The following C3 variants were observed in gnomAD, a reference collection of about 807,000 sequenced individuals.
C3 encodes complement C3.
Under a neutral mutation model 207.9 loss-of-function variants are expected in C3, and 97 were observed. The observed-to-expected ratio is 0.47, with a 90% confidence interval of 0.40 to 0.55. The LOEUF (loss-of-function observed/expected upper bound fraction) is 0.55, where lower values mean the gene tolerates loss of function less well. Ranked by LOEUF, C3 falls within the 20% of genes least tolerant of loss-of-function variation. The probability of loss-of-function intolerance (pLI) is 0.00; values close to 1 mark genes in which losing one functional copy is unlikely to be tolerated. For synonymous variants in C3, 848 were observed against 857.6 expected, an observed-to-expected ratio of 0.99 and a Z score of 0.20; for missense variants, 1,684 against 2,171.7, an observed-to-expected ratio of 0.78 and a Z score of 4.46.
chr19:6,686,246 C>T lies in C3; in HGVS notation c.3688G>A (p.Val1230Met), dbSNP rs147113695. The T allele has an allele frequency of 3.5e-5, 56 of 1,614,040 alleles. No homozygotes were observed. The highest frequency in any genetic ancestry group is 1.6e-4 in the Middle Eastern group (1 of 6,062). ...WEDPGKQLYN[V>M]EATSYALLAL... ...AAGAGGGCATAGGATGTGGCCTCCA[C>T]GTTGTAGAGCTGCTTACCAGGGTCC... Residue 1230 changes from valine to methionine, a missense_variant, in exon 29 of 41, where the codon GTG becomes ATG. Around this residue, in one of 3 missense-constraint regions of C3, gnomAD observed 1,280 missense variants for 1,739.1 expected, o/e 0.74. Transcript: ENST00000245907.
rs779812568 is a variant in C3, at chr19:6,679,195, T to A, written c.4560A>T (p.Ile1520=). 4.3e-6 allele frequency: 7 copies of A among 1,614,012 alleles called. No individual in the cohort carries two copies. The Admixed American group carries it at 1.2e-4, about 27-fold the overall frequency. The change falls in exon 38 of 41, where the codon ATA becomes ATT. Residue 1520 remains isoleucine, a synonymous_variant. Coordinates refer to ENST00000245907, the MANE Select transcript of C3 (RefSeq NM_000064.4). ...LCRCAEENCF[I]QKSDDKVTLE... ...GGGTGACCTTGTCATCCGACTTTTGTATGAAGCAATTCTCTGCAGGGTGGG... is the reference window on the plus strand; with the variant it reads ...GGGTGACCTTGTCATCCGACTTTTGAATGAAGCAATTCTCTGCAGGGTGGG...
chr19:6,681,867 G>GGAAAA (rs1423270609), intron 35 of C3, 74 bp downstream of exon 35: 11 of 1,111,204 alleles, frequency 9.9e-6, no homozygotes, highest in Non-Finnish European at 1.5e-5. Flanking sequence ...AAAGCTGAAA[G>GGAAAA]GAAAAGAAAG....
intron 36 of C3, among the ~76,000 whole-genome samples, chr19:6,679,898 C>T (rs551430066): frequency 1.3e-5 from 2 of 152,212 alleles, no homozygotes; most frequent in African/African-American, 2.4e-5. Context: ...ATCCTTGGGA[C>T]TCTCAGACCC....
chr19:6,697,471 G>T lies in C3; in HGVS notation c.2669C>A (p.Pro890His), dbSNP rs753876258. ...RRHQQTVTIPPKSSLSVPYVI... is the reference protein window; with the variant it reads ...RRHQQTVTIPHKSSLSVPYVI... ...ATATGGAACGGACAACGAGGACTTG[G>T]GGGGGATGGTTACGGTCTGCTGGTG... Residue 890 changes from proline (P) to histidine (H), a missense_variant, in exon 21 of 41, where the codon CCC becomes CAC. Around this residue, in one of 3 missense-constraint regions of C3, gnomAD observed 1,280 missense variants for 1,739.1 expected, o/e 0.74. Coordinates refer to ENST00000245907, the MANE Select transcript of C3 (RefSeq NM_000064.4). 1.3e-5 allele frequency: 21 copies of T among 1,613,828 alleles called. No individual in the cohort carries two copies. Among genetic ancestry groups the T allele is most frequent in the Non-Finnish European group, 1.7e-5 (20 of 1,179,988 alleles).
intron 27 of C3, among the ~76,000 whole-genome samples, chr19:6,687,386 C>G (rs1315106916): frequency 6.6e-6 from 1 of 152,164 alleles, no homozygotes; most frequent in Non-Finnish European, 1.5e-5. Flanking sequence ...TTATCTTCTT[C>G]ATCATCATAG....
rs994435679 is a variant in C3, at chr19:6,717,995, C to T, written c.504+99G>A. ...TCTCTTTGCCTCTGTGTCTCTGCCACTGCACCCCTTCCGGTGTGTCTTTCT... is the reference window on the plus strand; with the variant it reads ...TCTCTTTGCCTCTGTGTCTCTGCCATTGCACCCCTTCCGGTGTGTCTTTCT... On this transcript the variant is annotated intron_variant, in intron 4 of 40. Coordinates refer to ENST00000245907, the MANE Select transcript of C3 (RefSeq NM_000064.4). 4.2e-6 allele frequency: 5 copies of T among 1,183,306 alleles called. No homozygotes were observed. The African/African-American group carries it at 4.5e-5, about 11-fold the overall frequency. The allele number at this position is 1,183,306 out of a possible 1,614,324, so 73.3% of individuals were successfully genotyped here.
chr19:6,705,143 C>T (rs955850453), intron 17 of C3, among the ~76,000 whole-genome samples: 1 of 152,064 alleles, frequency 6.6e-6, no homozygotes, highest in Non-Finnish European at 1.5e-5. Flanking sequence ...CTTTTTCTGA[C>T]CCCCAATGGG....
chr19:6,696,416 G>C lies in C3; in HGVS notation c.2913C>G (p.Val971=), dbSNP rs745798285. The C allele has an allele frequency of 6.2e-7, 1 of 1,613,746 alleles. No individual in the cohort carries two copies. Among genetic ancestry groups the C allele is most frequent in the Non-Finnish European group, 8.5e-7 (1 of 1,179,818 alleles). Residue 971 remains valine (V), a synonymous_variant, in exon 23 of 41, where the codon GTC becomes GTG. Coordinates refer to ENST00000245907, the MANE Select transcript of C3 (RefSeq NM_000064.4). The part of the protein sequence containing the change: ...DIPPADLSDQ[V]PDTESETRIL... ...TTCTGGTCTCAGACTCGGTGTCCGG[G>C]ACTTGGTCACTGAGGTCTGCAGGTG...
At chr19:6,700,690 ATATAT>A (rs1374421411) in intron 19 of C3, among the ~76,000 whole-genome samples, 1 of 15,996 alleles carries the variant, frequency 6.3e-5, no homozygotes, top group Non-Finnish European at 1.0e-4. Flanking sequence ...ATAATATATG[ATATAT>A]TATATATGTA....
At chr19:6,705,406 G>A (rs1967753847) in intron 17 of C3, among the ~76,000 whole-genome samples, 1 of 140,190 alleles carries the variant, frequency 7.1e-6, no homozygotes, top group Admixed American at 7.3e-5. Flanking sequence ...GCGGTGGTGT[G>A]ATTTTGGCTC....
chr19:6,680,120 G>T, intron 36 of C3, 38 bp downstream of exon 36: 1 of 1,133,834 alleles, frequency 8.8e-7, no homozygotes, highest in Non-Finnish European at 1.3e-6. Context: ...TCAGGCCCCT[G>T]GAACCATCAG....
chr19:6,695,044 G>A (rs1967502505), intron 23 of C3, among the ~76,000 whole-genome samples: 1 of 152,038 alleles, frequency 6.6e-6, no homozygotes, highest in Admixed American at 6.6e-5. Context: ...GCTGGGGTGG[G>A]TGGATCACCT....
chr19:6,686,030 C>G lies in C3; in HGVS notation c.3810+94G>C, dbSNP rs924518210. 3 of 1,284,910 alleles carry G rather than the reference C, an allele frequency of 2.3e-6. No individual in the cohort carries two copies. In the Admixed American group the frequency reaches 5.0e-5, roughly 22 times the overall value. The allele number at this position is 1,284,910 out of a possible 1,614,324, so 79.6% of individuals were successfully genotyped here. On this transcript the variant is annotated intron_variant, in intron 29 of 40. Coordinates refer to ENST00000245907, the MANE Select transcript of C3 (RefSeq NM_000064.4). ...CACACTGGCTCGTGGGAATGAAGAACTGCCTCGCTGGGCCTCAGTGTCTTC... is the reference window on the plus strand; with the variant it reads ...CACACTGGCTCGTGGGAATGAAGAAGTGCCTCGCTGGGCCTCAGTGTCTTC...
Position 6,701,714 on chromosome 19 carries a change from G to A in C3, c.2440+413C>T, listed in dbSNP as rs11569462. Among the ~76,000 whole-genome samples the A allele has an allele frequency of 5.4e-4, 82 of 152,142 alleles. 1 individual carries two copies. The East Asian group carries it at 0.015, about 28-fold the overall frequency. ...ATTGTTTTGTACTTTCAGTAGAGAC[G>A]GGGTTTCACCACGTTGACCAGGCTG... is the stretch of plus-strand genomic sequence containing the variant. On this transcript the variant is annotated intron_variant, in intron 19 of 40. Coordinates refer to ENST00000245907, the MANE Select transcript of C3 (RefSeq NM_000064.4).
Position 6,682,007 on chromosome 19 carries a change from G to C in C3, c.4284C>G (p.Tyr1428Ter). The C allele has an allele frequency of 6.2e-7, 1 of 1,614,126 alleles. No individual in the cohort carries two copies. The highest frequency in any genetic ancestry group is 8.5e-7 in the Non-Finnish European group (1 of 1,179,946). Residue 1428 changes from tyrosine (Y) to a stop codon, truncating the protein, a stop_gained, in exon 35 of 41, where the codon TAC becomes TAG. Transcript: ENST00000245907. LOFTEE classifies it high-confidence loss of function. ...CTTTGTCCAGCTCATACTTGGAGAT[G>C]TATCTGTCAACACCATTGGCCAGCT... Reference protein sequence around the residue: ...LKQLANGVDRYISKYELDKAF... With the variant: ...LKQLANGVDR
chr19:6,678,406 C>T lies in C3; in HGVS notation c.4680G>A (p.Glu1560=), dbSNP rs1599495788. Reference sequence around the variant, plus strand: ...TGGTCTGCTCAATGGCCATGATGTACTCGTCAAAGTCATTGGACAGCTGAA... The same window carrying T: ...TGGTCTGCTCAATGGCCATGATGTATTCGTCAAAGTCATTGGACAGCTGAA... ...VKVQLSNDFD[E]YIMAIEQTIK... Residue 1560 remains glutamate, a synonymous_variant, in exon 39 of 41, where the codon GAG becomes GAA. Transcript: ENST00000245907. 1 of 1,614,046 alleles carries T rather than the reference C, an allele frequency of 6.2e-7. No individual in the cohort carries two copies. The highest frequency in any genetic ancestry group is 1.7e-5 in the Admixed American group (1 of 60,006).
chr19:6,709,244 C>G (rs11569425), intron 14 of C3, among the ~76,000 whole-genome samples: 2 of 152,148 alleles, frequency 1.3e-5, no homozygotes, highest in South Asian at 4.1e-4. Flanking sequence ...GCCAAGAGAT[C>G]GAGACCATCC....
rs1486182773 is a variant in C3 at position 6,696,294 on chromosome 19, G to A, written c.2950+85C>T. The A allele has an allele frequency of 9.9e-6, 8 of 807,786 alleles. 1 individual carries two copies. Among genetic ancestry groups the A allele is most frequent in the Non-Finnish European group, 1.5e-5 (7 of 468,198 alleles). 50.0% of individuals were successfully genotyped at this position (807,786 alleles called of 1,614,324 possible). ...AGCTGAAGGGGAAGAGAAAGGTGCGGGTTAAACACCTCCAGAATGAGATGG... is the reference window on the plus strand; with the variant it reads ...AGCTGAAGGGGAAGAGAAAGGTGCGAGTTAAACACCTCCAGAATGAGATGG... On this transcript the variant is annotated intron_variant, in intron 23 of 40. Coordinates refer to ENST00000245907, the MANE Select transcript of C3 (RefSeq NM_000064.4).
intron 14 of C3, among the ~76,000 whole-genome samples, chr19:6,708,521 T>A (rs1054772864): frequency 6.7e-6 from 1 of 149,952 alleles, no homozygotes; most frequent in African/African-American, 2.5e-5. Context: ...CCATTCCTCC[T>A]TTCCTCCTTC....
Sources: gnomAD v4.1 joint callset for allele counts (sites outside exome capture counted in the v4.1 genomes callset) on GRCh38, gnomAD v4.1.1 for gene constraint, gnomAD v4.1.1 regional missense constraint, MANE v1.5 for transcripts, NCBI Gene and HGNC (gene_info 2026-07-23, HGNC 2026-07-21) for gene names.